The following CYFIP2 variants were observed in gnomAD, a reference collection of about 807,000 sequenced individuals.
CYFIP2 encodes the protein cytoplasmic FMR1-interacting protein 2.
A neutral mutation model predicts 158.7 loss-of-function variants in CYFIP2; 29 were observed. The observed-to-expected ratio is 0.18, with a 90% CI of 0.14 to 0.25. The LOEUF is 0.25. Ranked by LOEUF, CYFIP2 falls within the 10% of genes least tolerant of loss-of-function variation. The pLI is 1.00. For missense variants in CYFIP2, 852 were observed against 1,639.5 expected, an observed-to-expected ratio of 0.52 and a Z score of 8.29; for synonymous variants, 585 against 617.6, an observed-to-expected ratio of 0.95 and a Z score of 0.78.
At position 157,387,703 on chromosome 5, in the gene CYFIP2, A is replaced by AT. The variant is rs530476345; in HGVS notation, c.3208-1481dup. On this transcript the variant is annotated intron_variant, in intron 28 of 30. Transcript: ENST00000620254. ...TTTTTTTTTTTTTAACACAAGAGAT[A>AT]TTTTTAGCTAACTATGGCAATCTGA... is the stretch of plus-strand genomic sequence containing the variant. 5.8e-3 allele frequency among the ~76,000 whole-genome samples: 867 copies of AT among 150,466 alleles called. 6 individuals carry two copies. The highest frequency in any genetic ancestry group is 8.4e-3 in the Non-Finnish European group (570 of 67,726).
chr5:157,294,689 T>C, intron 3 of CYFIP2, 94 bp from the exon 4 acceptor site: 1 of 992,858 alleles, frequency 1.0e-6, no homozygotes, highest in South Asian at 1.5e-5. Context: ...TGTGGGTCCA[T>C]GGACCATACC....
Position 157,384,612 on chromosome 5 carries a change from T to C in CYFIP2, c.3207+1253T>C, listed in dbSNP as rs781629887. The C allele has an allele frequency of 1.6e-5, 7 of 425,672 alleles. 1 individual carries two copies. Among genetic ancestry groups the C allele is most frequent in the South Asian group, 1.1e-4 (7 of 61,976 alleles). 26.4% of individuals were successfully genotyped at this position (425,672 alleles called of 1,614,324 possible). On this transcript the variant is annotated intron_variant, in intron 28 of 30. Transcript: ENST00000620254. The stretch of plus-strand genomic sequence containing the variant: ...AAGCCACCCCAGCCCGGCCCCCGCA[T>C]GCCACCAACCTCCTTCTGAAAATGG...
chr5:157,272,212 C>T (rs1483856947), intron 1 of CYFIP2, among the ~76,000 whole-genome samples: 2 of 152,178 alleles, frequency 1.3e-5, no homozygotes, highest in African/African-American at 2.4e-5. Flanking sequence ...TGGCCCAAGT[C>T]GAGGCTGACT....
At chr5:157,318,575 A>G (rs562780697) in intron 13 of CYFIP2, among the ~76,000 whole-genome samples, 2 of 152,348 alleles carry the variant, frequency 1.3e-5, no homozygotes, top group African/African-American at 2.4e-5. Flanking sequence ...AGTTCTATCT[A>G]AAAATGTTCT....
At chr5:157,324,328 T>C (rs1285150411) in intron 16 of CYFIP2, among the ~76,000 whole-genome samples, 2 of 152,188 alleles carry the variant, frequency 1.3e-5, no homozygotes, top group South Asian at 2.1e-4. Context: ...ATAAAGTCCT[T>C]AGTAGAGCGG....
chr5:157,311,495 C>T lies in CYFIP2; in HGVS notation c.993-169C>T. On this transcript the variant is annotated intron_variant, in intron 10 of 30. Transcript: ENST00000620254. This position sits in a 1 kb window ranked among gnomAD's most constrained non-coding sequence, Gnocchi z 4.7. Reference sequence around the variant, plus strand: ...AAGGACTGTTCCATTAGGCCTGAAGCTCCCACAGTGTTGGACTTAGCAGGC... The same window carrying T: ...AAGGACTGTTCCATTAGGCCTGAAGTTCCCACAGTGTTGGACTTAGCAGGC... 1 of 614,276 alleles carries T rather than the reference C, an allele frequency of 1.6e-6. No homozygotes were observed. 38.1% of individuals were successfully genotyped at this position (614,276 alleles called of 1,614,324 possible).
chr5:157,286,100 A>C (rs1006154901), intron 2 of CYFIP2, among the ~76,000 whole-genome samples: 2 of 152,172 alleles, frequency 1.3e-5, no homozygotes, highest in African/African-American at 4.8e-5. Context: ...GCTACAGGAG[A>C]CTAAATATAA....
At chr5:157,309,708 C>T in intron 9 of CYFIP2, 35 bp from the exon 10 acceptor site, 2 of 1,565,244 alleles carry the variant, frequency 1.3e-6, no homozygotes, top group Non-Finnish European at 1.7e-6. Flanking sequence ...AACCCCTCCT[C>T]AGCATCTCAC....
chr5:157,342,958 T>C lies in CYFIP2; in HGVS notation c.2673+1801T>C, dbSNP rs1455779521. The C allele has an allele frequency of 3.1e-6, 5 of 1,614,228 alleles. No homozygotes were observed. The Admixed American group carries it at 8.3e-5, about 27-fold the overall frequency. On this transcript the variant is annotated intron_variant, in intron 23 of 30. Coordinates refer to ENST00000620254, the MANE Select transcript of CYFIP2 (RefSeq NM_001037333.3). ...CATCCTGGTTGGCTTCGGGATCCAGTTCAGCTCCATCTCTGGAGTTCTTGC... is the reference window on the plus strand; with the variant it reads ...CATCCTGGTTGGCTTCGGGATCCAGCTCAGCTCCATCTCTGGAGTTCTTGC...
intron 1 of CYFIP2, among the ~76,000 whole-genome samples, chr5:157,275,651 T>C (rs1030147340): frequency 7.9e-5 from 12 of 152,306 alleles, no homozygotes; most frequent in Admixed American, 5.2e-4. Flanking sequence ...TGAATTTCCA[T>C]ATGAATTTTA....
At chr5:157,314,061 A>C (rs1170637237) in intron 11 of CYFIP2, among the ~76,000 whole-genome samples, 2 of 152,192 alleles carry the variant, frequency 1.3e-5, no homozygotes, top group African/African-American at 4.8e-5. Flanking sequence ...CTGTCTCTAA[A>C]AGAAGAATAA....
At chr5:157,278,755 G>A (rs958792961) in intron 1 of CYFIP2, among the ~76,000 whole-genome samples, 4 of 152,090 alleles carry the variant, frequency 2.6e-5, no homozygotes, top group East Asian at 1.9e-4. Flanking sequence ...ACAGACTAGC[G>A]AATGTTAAAC....
At chr5:157,323,337 C>T (rs774379046) in intron 15 of CYFIP2, among the ~76,000 whole-genome samples, 44 of 152,274 alleles carry the variant, frequency 2.9e-4, no homozygotes, top group Non-Finnish European at 5.3e-4. Flanking sequence ...GGGGTCAAAA[C>T]GCTGAGGGTC....
At chr5:157,277,664 A>C (rs1022687520) in intron 1 of CYFIP2, among the ~76,000 whole-genome samples, 3 of 152,206 alleles carry the variant, frequency 2.0e-5, no homozygotes, top group African/African-American at 7.2e-5. Context: ...TTTCATGGGC[A>C]AACTCAGATT....
rs189450374 is a variant in CYFIP2, at chr5:157,313,163, A to T, written c.1111-1181A>T. On this transcript the variant is annotated intron_variant, in intron 11 of 30. Transcript: ENST00000620254. ...ATGAACTCTGAAGTAGCAAATACTG[A>T]ATCATTGCTCCAAGGAGAAATCAGA... is the stretch of plus-strand genomic sequence containing the variant. 1.1e-3 allele frequency among the ~76,000 whole-genome samples: 169 copies of T among 152,352 alleles called. 1 individual carries two copies. Among genetic ancestry groups the T allele is most frequent in the Non-Finnish European group, 2.2e-3 (148 of 68,038 alleles).
chr5:157,390,171 C>T (rs1488978443), intron 29 of CYFIP2, among the ~76,000 whole-genome samples: 1 of 152,176 alleles, frequency 6.6e-6, no homozygotes, highest in African/African-American at 2.4e-5. Context: ...TTTAGAGAGT[C>T]AAGACAGATT....
At chr5:157,381,547 A>AG (rs59737652) in intron 26 of CYFIP2, among the ~76,000 whole-genome samples, 1 of 149,250 alleles carries the variant, frequency 6.7e-6, no homozygotes, top group African/African-American at 2.5e-5. Flanking sequence ...AAAAAAAAAA[A>AG]GGGGTGAGGG....
intron 5 of CYFIP2, 134 bp downstream of exon 5, chr5:157,296,908 C>G (rs1350077572): frequency 1.3e-5 from 8 of 630,486 alleles, no homozygotes; most frequent in Non-Finnish European, 2.2e-5. Flanking sequence ...CTACACATCC[C>G]TGGGTGAGCA....
chr5:157,348,360 G>T (rs1191094881), intron 23 of CYFIP2, among the ~76,000 whole-genome samples: 1 of 152,132 alleles, frequency 6.6e-6, no homozygotes, highest in Non-Finnish European at 1.5e-5. Context: ...AGATCCTCCT[G>T]CCTCAGCCCC....
Sources: allele counts gnomAD v4.1 joint callset (sites outside exome capture counted in the v4.1 genomes callset), GRCh38; gene constraint gnomAD v4.1.1; non-coding constraint Gnocchi (gnomAD v3.1); transcripts MANE v1.5; gene names NCBI Gene and HGNC (gene_info 2026-07-23, HGNC 2026-07-21).